The following WASHC4 variants were observed in gnomAD, a reference collection of about 807,000 sequenced individuals.
WASHC4 encodes WASH complex subunit 4, also known as WASH complex subunit 7.
Under a neutral mutation model 166.6 loss-of-function variants are expected in WASHC4, and 86 were observed. That is an observed-to-expected ratio of 0.52 (90% CI 0.43 to 0.62). The LOEUF (loss-of-function observed/expected upper bound fraction) is 0.62, where lower values mean the gene tolerates loss of function less well. Ranked by LOEUF, WASHC4 falls within the 20% of genes least tolerant of loss-of-function variation. The pLI, the probability that WASHC4 is intolerant of heterozygous loss-of-function variation, is 0.00. For synonymous variants in WASHC4, 446 were observed against 451.6 expected, an observed-to-expected ratio of 0.99 and a Z score of 0.16; for missense variants, 1,262 against 1,382.4, an observed-to-expected ratio of 0.91 and a Z score of 1.38.
chr12:105,114,266 C>T lies in WASHC4; in HGVS notation c.252C>T (p.Asn84=). ...TTTTGGAACTCATAAAGACTGAAAA[C>T]AAGGTACAGAATCCTAAATCTAAAA... The part of the protein sequence containing the change: ...SSLLELIKTE[N]KVLNKVITVY... Residue 84 remains asparagine, a synonymous_variant, in exon 3 of 33, where the codon AAC becomes AAT. Coordinates refer to ENST00000332180, the MANE Select transcript of WASHC4 (RefSeq NM_015275.3). The T allele has an allele frequency of 1.9e-6, 3 of 1,609,324 alleles. No homozygotes were observed. The highest frequency in any genetic ancestry group is 1.7e-6 in the Non-Finnish European group (2 of 1,176,848).
chr12:105,166,947 C>CT lies in WASHC4; in HGVS notation c.*17dup. On this transcript the variant is annotated 3_prime_UTR_variant, in exon 33 of 33. Transcript: ENST00000332180. Reference sequence around the variant, plus strand: ...TGTGAAATGATACGGATGGTATTCACTGCACATATGATGAAATCATCAGAA... The same window carrying CT: ...TGTGAAATGATACGGATGGTATTCACTTGCACATATGATGAAATCATCAGAA... 1 of 1,538,920 alleles carries CT rather than the reference C, an allele frequency of 6.5e-7. No individual in the cohort carries two copies. Among genetic ancestry groups the CT allele is most frequent in the Non-Finnish European group, 9.0e-7 (1 of 1,116,970 alleles).
At chr12:105,141,109 A>T in intron 17 of WASHC4, 58 bp from the exon 18 acceptor site, 1 of 1,610,014 alleles carries the variant, frequency 6.2e-7, no homozygotes. Flanking sequence ...TTCCCTTGTT[A>T]CTGACCCTAG....
intron 8 of WASHC4, 57 bp from the exon 9 acceptor site, chr12:105,121,044 A>C (rs568567586): frequency 8.7e-7 from 1 of 1,147,812 alleles, no homozygotes. Flanking sequence ...AAACGTCTAC[A>C]TGAGGCTTAA....
intron 14 of WASHC4, among the ~76,000 whole-genome samples, 160 bp downstream of exon 14, chr12:105,134,056 TAAC>T (rs1400211199): frequency 1.3e-5 from 2 of 152,156 alleles, no homozygotes; most frequent in African/African-American, 4.8e-5. Context: ...TTAAATTTTC[TAAC>T]AACCCATTCA....
At chr12:105,141,965 A>G (rs1221632046) in intron 18 of WASHC4, among the ~76,000 whole-genome samples, 1 of 151,054 alleles carries the variant, frequency 6.6e-6, no homozygotes, top group Non-Finnish European at 1.5e-5. Flanking sequence ...TCACTTGGCA[A>G]AGATTGTAGA....
intron 5 of WASHC4, 143 bp from the exon 6 acceptor site, chr12:105,115,518 T>A (rs1880097501): frequency 4.4e-6 from 3 of 675,046 alleles, no homozygotes; most frequent in Non-Finnish European, 7.9e-6. Context: ...CTGATTTTTC[T>A]CTTTGGTGTA....
At chr12:105,148,181 G>A (rs1883467036) in intron 24 of WASHC4, 1 of 985,086 alleles carries the variant, frequency 1.0e-6, no homozygotes, top group Admixed American at 6.1e-5. Context: ...GAGCCAATGA[G>A]TGATATGATT....
At chr12:105,165,455 TA>T (rs1225228308) in intron 32 of WASHC4, among the ~76,000 whole-genome samples, 2 of 152,204 alleles carry the variant, frequency 1.3e-5, no homozygotes, top group Non-Finnish European at 2.9e-5. Flanking sequence ...CTGTCATGGA[TA>T]TTATATAGCA....
chr12:105,120,817 G>A (rs917895876), intron 8 of WASHC4, among the ~76,000 whole-genome samples: 8 of 152,034 alleles, frequency 5.3e-5, no homozygotes, highest in Non-Finnish European at 8.8e-5. Flanking sequence ...CAGTAGTGCC[G>A]TAATGCAGAT....
Position 105,126,312 on chromosome 12 carries a change from C to T in WASHC4, c.988C>T (p.Arg330Ter), listed in dbSNP as rs781441034. The T allele has an allele frequency of 3.1e-6, 5 of 1,603,138 alleles. No homozygotes were observed. Among genetic ancestry groups the T allele is most frequent in the Admixed American group, 3.3e-5 (2 of 59,958 alleles). ...CTTTGTATTGCACTTTCAGATTTTT[C>T]GAACTATTGATAAAAAGTTTTATAA... is the stretch of plus-strand genomic sequence containing the variant. ...GLFVLHFQIF[R>*]TIDKKFYKSL... The change falls in exon 12 of 33, where the codon CGA becomes TGA. Residue 330 changes from arginine to a stop codon, truncating the protein, a stop_gained. Transcript: ENST00000332180. LOFTEE classifies it high-confidence loss of function.
At position 105,144,301 on chromosome 12, in the gene WASHC4, A is replaced by G; in HGVS notation, c.2025A>G (p.Lys675=). 6.2e-7 allele frequency: 1 copy of G among 1,612,506 alleles called. No homozygotes were observed. Among genetic ancestry groups the G allele is most frequent in the South Asian group, 1.1e-5 (1 of 90,766 alleles). Residue 675 remains lysine (K), a synonymous_variant, in exon 21 of 33, where the codon AAA becomes AAG. Transcript: ENST00000332180. ...TTTGTGAATAGCATTTGCTGGACAA[A>G]TTATGCAAAGAAATAGAGAAAGATC... ...MEILNEHLLD[K]LCKEIEKDLR...
intron 14 of WASHC4, among the ~76,000 whole-genome samples, chr12:105,135,637 C>T (rs372657624): frequency 1.3e-5 from 2 of 151,918 alleles, no homozygotes; most frequent in African/African-American, 2.4e-5. Flanking sequence ...ATTAACTCTT[C>T]GAGCATTATT....
chr12:105,132,883 C>T (rs1177750363), intron 13 of WASHC4, among the ~76,000 whole-genome samples: 1 of 150,878 alleles, frequency 6.6e-6, no homozygotes, highest in Non-Finnish European at 1.5e-5. Flanking sequence ...TAACTATTAG[C>T]TTTTATAGTC....
intron 10 of WASHC4, among the ~76,000 whole-genome samples, chr12:105,122,928 C>T (rs1376241020): frequency 6.6e-6 from 1 of 152,174 alleles, no homozygotes; most frequent in East Asian, 1.9e-4. Context: ...AATAGCCCTA[C>T]AGTGGCCTCT....
chr12:105,156,821 G>A (rs773199372), intron 27 of WASHC4, 29 bp downstream of exon 27: 2 of 1,543,900 alleles, frequency 1.3e-6, no homozygotes, highest in African/African-American at 1.4e-5. Context: ...TTTTTGCCTT[G>A]TTTATGCCAT....
chr12:105,143,176 G>A lies in WASHC4; in HGVS notation c.1943G>A (p.Arg648Lys), dbSNP rs1423250217. The A allele has an allele frequency of 3.7e-6, 6 of 1,611,728 alleles. No homozygotes were observed. The highest frequency in any genetic ancestry group is 1.7e-5 in the Admixed American group (1 of 59,912). ...TGTGTACCTGCTATGATGCATGCAA[G>A]GCATTTAGAGTCCTATGAGATACTT... is the stretch of plus-strand genomic sequence containing the variant. The part of the protein sequence containing the change: ...RDCVPAMMHA[R>K]HLESYEILLD... The change falls in exon 20 of 33, where the codon AGG becomes AAG. Residue 648 changes from arginine (R) to lysine (K), a missense_variant. Coordinates refer to ENST00000332180, the MANE Select transcript of WASHC4 (RefSeq NM_015275.3).
Position 105,152,370 on chromosome 12 carries a change from A to T in WASHC4, c.2677A>T (p.Asn893Tyr), listed in dbSNP as rs771517810. 2.5e-6 allele frequency: 4 copies of T among 1,601,050 alleles called. No homozygotes were observed. The South Asian group carries it at 4.4e-5, about 18-fold the overall frequency. ...KYPFDRAEKF[N>Y]RGIRKLGVTP... ...TCCTTTTGATAGAGCAGAAAAATTC[A>T]ATCGAGGCATCAGAAAACTTGGAGT... The change falls in exon 26 of 33, where the codon AAT becomes TAT. Residue 893 changes from asparagine (N) to tyrosine (Y), a missense_variant. By Grantham distance (143) the Asn-to-Tyr change is moderately radical (BLOSUM62 -2). Coordinates refer to ENST00000332180, the MANE Select transcript of WASHC4 (RefSeq NM_015275.3).
In WASHC4 at chr12:105,107,823, C is replaced by T. The variant is rs778677955; in HGVS notation, c.23C>T (p.Pro8Leu). 5.2e-6 allele frequency: 8 copies of T among 1,550,994 alleles called. No homozygotes were observed. Among genetic ancestry groups the T allele is most frequent in the South Asian group, 3.6e-5 (3 of 84,042 alleles). Residue 8 changes from proline (P) to leucine (L), a missense_variant, in exon 1 of 33, where the codon CCG (proline) becomes CTG (leucine). Pro to Leu is a moderately conservative substitution (Grantham distance 98, BLOSUM62 -3). Transcript: ENST00000332180. ...GTGATGGCGGTGGAGACTCTGTCCC[C>T]GGACTGGGAGTTTGACCGCGTTGAC... MAVETLS[P>L]DWEFDRVDDG...
intron 6 of WASHC4, among the ~76,000 whole-genome samples, chr12:105,116,105 A>G (rs964068359): frequency 6.6e-6 from 1 of 152,150 alleles, no homozygotes; most frequent in Non-Finnish European, 1.5e-5. Context: ...GTAGCCCTCC[A>G]TGCTTCTAAC....
Sources: gnomAD v4.1 joint callset for allele counts (sites outside exome capture counted in the v4.1 genomes callset) on GRCh38, gnomAD v4.1.1 for gene constraint, MANE v1.5 for transcripts, NCBI Gene and HGNC (gene_info 2026-07-23, HGNC 2026-07-21) for gene names.